Variants in WDR7 observed in about 807,000 individuals in gnomAD.
WDR7 encodes the protein WD repeat domain 7, also known as WD repeat-containing protein 7.
In WDR7, 46 loss-of-function variants were observed where a neutral mutation model predicts 169.4. The observed-to-expected ratio is 0.27, with a 90% confidence interval of 0.21 to 0.35. WDR7 has a LOEUF of 0.35. Ranked by LOEUF, WDR7 falls within the 10% of genes least tolerant of loss-of-function variation. The pLI is 1.00. For missense variants in WDR7, 1,534 were observed against 1,859.3 expected (o/e 0.83, Z 3.22); for synonymous variants, 612 against 666.8 (o/e 0.92, Z 1.27).
At chr18:56,880,192 T>A (rs1318955679) in intron 21 of WDR7, 27 bp downstream of exon 21, 7 of 1,592,994 alleles carry the variant, frequency 4.4e-6, no homozygotes, top group Admixed American at 3.4e-5. Context: ...CTAATGCTGA[T>A]CTGTTGCTTC....
chr18:56,874,293 T>A (rs2045993500), intron 20 of WDR7, among the ~76,000 whole-genome samples: 1 of 152,122 alleles, frequency 6.6e-6, no homozygotes, highest in African/African-American at 2.4e-5. Context: ...CTTAGTATGG[T>A]TACGCATTTA....
chr18:56,757,690 G>C (rs1298423428), intron 15 of WDR7, among the ~76,000 whole-genome samples: 1 of 152,006 alleles, frequency 6.6e-6, no homozygotes, highest in African/African-American at 2.4e-5. Flanking sequence ...ATATATTTGA[G>C]GCTGGGCATG....
At chr18:56,872,087 T>C (rs919614018) in intron 20 of WDR7, among the ~76,000 whole-genome samples, 3 of 149,782 alleles carry the variant, frequency 2.0e-5, no homozygotes, top group African/African-American at 7.7e-5. Flanking sequence ...CATCAATATA[T>C]GGCTCAATAG....
intron 11 of WDR7, among the ~76,000 whole-genome samples, chr18:56,695,864 TA>T (rs1181253264): frequency 6.6e-5 from 10 of 152,230 alleles, no homozygotes; most frequent in Non-Finnish European, 1.3e-4. Flanking sequence ...ATAGCTGTGT[TA>T]AAAAATAAAA....
At chr18:56,661,540 G>C (rs570863403) in intron 1 of WDR7, among the ~76,000 whole-genome samples, 1 of 152,166 alleles carries the variant, frequency 6.6e-6, no homozygotes, top group African/African-American at 2.4e-5. Flanking sequence ...GTAGTCTCCT[G>C]TTGCCATCTG....
intron 14 of WDR7, among the ~76,000 whole-genome samples, chr18:56,750,020 T>C (rs533615008): frequency 8.4e-4 from 128 of 152,020 alleles, no homozygotes; most frequent in African/African-American, 2.9e-3. Flanking sequence ...TGTGTGTGTG[T>C]GCGTGTGTGT....
intron 21 of WDR7, among the ~76,000 whole-genome samples, chr18:56,912,902 T>C (rs2046572152): frequency 6.6e-6 from 1 of 151,508 alleles, no homozygotes; most frequent in Non-Finnish European, 1.5e-5. Flanking sequence ...TTTGAGACGG[T>C]CTCACTCTGT....
intron 20 of WDR7, among the ~76,000 whole-genome samples, chr18:56,817,283 G>T (rs1481349988): frequency 6.6e-6 from 1 of 151,220 alleles, no homozygotes; most frequent in Non-Finnish European, 1.5e-5. Context: ...GGTGGAGGTT[G>T]CAGTGAGCCG....
At chr18:56,943,744 G>A (rs1162436658) in intron 25 of WDR7, among the ~76,000 whole-genome samples, 1 of 151,964 alleles carries the variant, frequency 6.6e-6, no homozygotes, top group African/African-American at 2.4e-5. Flanking sequence ...ATCTAAAGCT[G>A]TATTAATTTA....
chr18:56,905,484 A>C (rs1358059154), intron 21 of WDR7, among the ~76,000 whole-genome samples: 1 of 152,192 alleles, frequency 6.6e-6, no homozygotes. Flanking sequence ...ATTGATAAGG[A>C]TTTCTGCTTA....
chr18:56,994,174 C>T (rs903946222), intron 26 of WDR7, among the ~76,000 whole-genome samples: 2 of 152,008 alleles, frequency 1.3e-5, no homozygotes, highest in Admixed American at 6.6e-5. Context: ...CATACGCCAC[C>T]ACGCCTGGCT....
At chr18:56,676,809 C>G (rs2025254195) in intron 2 of WDR7, among the ~76,000 whole-genome samples, 1 of 86,188 alleles carries the variant, frequency 1.2e-5, no homozygotes, top group Non-Finnish European at 2.6e-5. Flanking sequence ...TTCCTGGGCT[C>G]AGGCAATCCT....
intron 5 of WDR7, 78 bp downstream of exon 5, chr18:56,682,931 A>G (rs2144579046): frequency 4.3e-6 from 6 of 1,407,790 alleles, no homozygotes; most frequent in Non-Finnish European, 5.9e-6. Context: ...ACAATTTATC[A>G]TAAATTAATA....
chr18:56,686,673 G>T (rs574761292), intron 6 of WDR7, among the ~76,000 whole-genome samples, 182 bp from the exon 7 acceptor site: 6 of 152,280 alleles, frequency 3.9e-5, no homozygotes, highest in African/African-American at 1.4e-4. Flanking sequence ...AACAGTATTT[G>T]TGTCTAGCTG....
intron 13 of WDR7, among the ~76,000 whole-genome samples, chr18:56,728,480 G>A (rs770901525): frequency 2.0e-5 from 3 of 151,936 alleles, no homozygotes; most frequent in African/African-American, 4.8e-5. Flanking sequence ...CTGCCTCCTC[G>A]TGTGGATGTG....
chr18:56,816,280 G>GAAACTGTTCA (rs1462238042), intron 20 of WDR7, 136 bp downstream of exon 20: 2 of 703,402 alleles, frequency 2.8e-6, no homozygotes, highest in Non-Finnish European at 4.5e-6. Context: ...TTAGTTTTAT[G>GAAACTGTTCA]AAACTGTTCA....
downstream of WDR7, chr18:57,030,282 C>T (rs1025519410): frequency 1.3e-5 from 2 of 152,150 alleles, no homozygotes; most frequent in Non-Finnish European, 2.9e-5. Context: ...AGTGAATGTA[C>T]TTCTTGTCTC....
chr18:56,739,563 T>C (rs2043581693), intron 14 of WDR7, among the ~76,000 whole-genome samples: 1 of 152,180 alleles, frequency 6.6e-6, no homozygotes. Flanking sequence ...TATGTTTTCA[T>C]CTAAGATCAT....
chr18:56,843,158 C>G (rs973862004), intron 20 of WDR7, among the ~76,000 whole-genome samples: 1 of 152,158 alleles, frequency 6.6e-6, no homozygotes, highest in African/African-American at 2.4e-5. Context: ...TGAATATTTG[C>G]CTCTTTCAGC....
Sources: allele counts gnomAD v4.1 joint callset (sites outside exome capture counted in the v4.1 genomes callset), GRCh38; gene constraint gnomAD v4.1.1; transcripts MANE v1.5; gene names NCBI Gene and HGNC (gene_info 2026-07-23, HGNC 2026-07-21).